The following MCTP2 variants were observed in gnomAD, a reference collection of about 807,000 sequenced individuals.
MCTP2 encodes multiple C2 and transmembrane domain-containing protein 2.
Under a neutral mutation model 111.6 loss-of-function variants are expected in MCTP2, and 132 were observed. The observed-to-expected ratio is 1.18, with a 90% confidence interval of 1.03 to 1.37. MCTP2 has a LOEUF of 1.37. Among genes scored for constraint, MCTP2 ranks in the 40% most tolerant of loss-of-function variants. The pLI is 0.00. For missense variants in MCTP2, 1,183 were observed against 1,067.9 expected (o/e 1.11, Z -1.50); for synonymous variants, 395 against 387.7 (o/e 1.02, Z -0.22).
At chr15:94,453,120 T>C (rs2084572029) in intron 19 of MCTP2, among the ~76,000 whole-genome samples, 1 of 152,242 alleles carries the variant, frequency 6.6e-6, no homozygotes, top group Non-Finnish European at 1.5e-5. Flanking sequence ...AACTATTGTA[T>C]TTAATATTTC....
At chr15:94,243,254 T>G (rs1474712940) in intron 1 of MCTP2, among the ~76,000 whole-genome samples, 2 of 149,430 alleles carry the variant, frequency 1.3e-5, no homozygotes, top group African/African-American at 4.9e-5. Context: ...TATATGCGTA[T>G]ATACATACAT....
rs563392631 is a variant in MCTP2, at chr15:94,358,720, C to G, written c.1301+108C>G. ...TGAGGGCACTACCTTGCATCCCTCA[C>G]CCCAGAGTGCCATCAGTGAGCTGGA... On this transcript the variant is annotated intron_variant, in intron 10 of 22. Transcript: ENST00000357742. 2.0e-5 allele frequency: 26 copies of G among 1,300,384 alleles called. No homozygotes were observed. The South Asian group carries it at 3.9e-4, about 19-fold the overall frequency. The allele number at this position is 1,300,384 out of a possible 1,614,324, so 80.6% of individuals were successfully genotyped here.
Position 94,399,991 on chromosome 15 carries a change from A to G in MCTP2, c.1961A>G (p.Lys654Arg). Residue 654 changes from lysine to arginine, a missense_variant, in exon 16 of 23, where the codon AAA becomes AGA. Lys to Arg is a conservative substitution (Grantham distance 26). Coordinates refer to ENST00000357742, the MANE Select transcript of MCTP2 (RefSeq NM_001385001.1). ...RFVEDSRKLS[K>R]KILSRDVDRV... Reference sequence around the variant, plus strand: ...GTTGAAGACAGCCGCAAGCTGTCCAAAAAGGTGGGTCGCTACAGTAGGTGG... The same window carrying G: ...GTTGAAGACAGCCGCAAGCTGTCCAGAAAGGTGGGTCGCTACAGTAGGTGG... The G allele has an allele frequency of 5.6e-6, 9 of 1,613,950 alleles. No individual in the cohort carries two copies. Among genetic ancestry groups the G allele is most frequent in the South Asian group, 4.4e-5 (4 of 91,074 alleles).
chr15:94,345,190 A>C (rs767310630), intron 8 of MCTP2, 26 bp downstream of exon 8: 13 of 1,603,634 alleles, frequency 8.1e-6, no homozygotes, highest in Non-Finnish European at 1.1e-5. Context: ...TTTCCTTTAG[A>C]TCATTTGGTT....
intron 4 of MCTP2, among the ~76,000 whole-genome samples, chr15:94,327,928 A>C (rs112788121): frequency 0.025 from 3,735 of 152,130 alleles, 150 homozygotes; most frequent in African/African-American, 0.086. Flanking sequence ...GAGTCAGTTT[A>C]TCTGTTTCTG....
At chr15:94,475,572 G>C (rs1217337573) in intron 21 of MCTP2, among the ~76,000 whole-genome samples, 1 of 152,178 alleles carries the variant, frequency 6.6e-6, no homozygotes, top group Non-Finnish European at 1.5e-5. Flanking sequence ...GTACAACGAA[G>C]CTAAGAATTC....
intron 2 of MCTP2, among the ~76,000 whole-genome samples, chr15:94,299,718 C>A (rs1420802165): frequency 6.6e-6 from 1 of 152,154 alleles, no homozygotes; most frequent in African/African-American, 2.4e-5. Context: ...TTTCTGTGTT[C>A]CAGGTTAGTG....
Position 94,245,188 on chromosome 15 carries a change from AC to A in MCTP2, c.-66+13525del, listed in dbSNP as rs2071727681. Among the ~76,000 whole-genome samples, 5 of 145,664 alleles carry A rather than the reference AC, an allele frequency of 3.4e-5. No individual in the cohort carries two copies. The South Asian group carries it at 1.1e-3, about 31-fold the overall frequency. ...TATACACATGTATAGATTTATACAC[AC>A]ATATGTATGTATATATTTATACATA... On this transcript the variant is annotated intron_variant, in intron 1 of 22. Coordinates refer to ENST00000357742, the MANE Select transcript of MCTP2 (RefSeq NM_001385001.1).
chr15:94,403,490 G>C (rs2081716039), intron 17 of MCTP2, among the ~76,000 whole-genome samples: 1 of 152,238 alleles, frequency 6.6e-6, no homozygotes, highest in Non-Finnish European at 1.5e-5. Flanking sequence ...ACTGTGAGGA[G>C]GAGAGGATTT....
At chr15:94,410,635 C>A (rs1464715216) in intron 17 of MCTP2, among the ~76,000 whole-genome samples, 3 of 152,108 alleles carry the variant, frequency 2.0e-5, no homozygotes, top group Admixed American at 1.3e-4. Context: ...TGTAACACAG[C>A]CTCATGATTG....
rs566235545 is a variant in MCTP2, at chr15:94,324,887, C to G, written c.637+9250C>G. On this transcript the variant is annotated intron_variant, in intron 4 of 22. Transcript: ENST00000357742. ...AAAAGTTAAAATGACTGATTTAAGT[C>G]CTGGTTTTCTTTTGCTATTTAGCAG... Among the ~76,000 whole-genome samples, 30 of 151,956 alleles carry G rather than the reference C, an allele frequency of 2.0e-4. No homozygotes were observed. The East Asian group carries it at 4.8e-3, about 24-fold the overall frequency.
In MCTP2 at chr15:94,481,171, G is replaced by A. The variant is rs2074707050; in HGVS notation, c.*2137G>A. The A allele has an allele frequency of 1.3e-5, 2 of 152,202 alleles. No homozygotes were observed. The highest frequency in any genetic ancestry group is 2.4e-5 in the African/African-American group (1 of 41,524). The allele number at this position is 152,202 out of a possible 1,614,324, so 9.4% of individuals were successfully genotyped here. A position where few individuals can be genotyped will look rare whatever the true frequency, so the allele number is the denominator to read the frequency against. Reference sequence around the variant, plus strand: ...TGTTGAAGTCTTGCCAAGTTTTCCTGGTTCCCTTCTCAAACTTTATCTTCC... The same window carrying A: ...TGTTGAAGTCTTGCCAAGTTTTCCTAGTTCCCTTCTCAAACTTTATCTTCC... On this transcript the variant is annotated 3_prime_UTR_variant, in exon 23 of 23. Transcript: ENST00000357742.
At chr15:94,404,116 C>T (rs2152478528) in intron 17 of MCTP2, among the ~76,000 whole-genome samples, 1 of 152,260 alleles carries the variant, frequency 6.6e-6, no homozygotes. Flanking sequence ...AGAAATACCG[C>T]AGCCATAACG....
intron 3 of MCTP2, among the ~76,000 whole-genome samples, 171 bp downstream of exon 3, chr15:94,314,515 A>G (rs1289596574): frequency 6.6e-6 from 1 of 152,148 alleles, no homozygotes; most frequent in African/African-American, 2.4e-5. Context: ...AGATTAATTC[A>G]GTATCTATTG....
intron 2 of MCTP2, among the ~76,000 whole-genome samples, chr15:94,299,033 C>CT (rs2075464171): frequency 1.6e-5 from 2 of 122,598 alleles, no homozygotes; most frequent in Admixed American, 8.4e-5. Context: ...CTCTCTCCCT[C>CT]CCCCTCCCCC....
chr15:94,381,150 T>A (rs919948797), intron 12 of MCTP2, among the ~76,000 whole-genome samples: 3 of 152,230 alleles, frequency 2.0e-5, no homozygotes, highest in Non-Finnish European at 4.4e-5. Flanking sequence ...TGGTGAGCAT[T>A]TGGACATTTC....
chr15:94,255,576 T>A (rs1364593751), intron 1 of MCTP2, among the ~76,000 whole-genome samples: 2 of 152,216 alleles, frequency 1.3e-5, no homozygotes, highest in Non-Finnish European at 2.9e-5. Context: ...TCTAAAAACA[T>A]GCCTGTAGGC....
chr15:94,464,361 T>G (rs1048770240), intron 20 of MCTP2, among the ~76,000 whole-genome samples: 3 of 17,142 alleles, frequency 1.8e-4, no homozygotes, highest in Non-Finnish European at 3.7e-4. Context: ...ATATAAATTT[T>G]CTACTTGTTG....
chr15:94,350,159 A>G (rs1461230794), intron 8 of MCTP2, among the ~76,000 whole-genome samples: 1 of 152,214 alleles, frequency 6.6e-6, no homozygotes, highest in Non-Finnish European at 1.5e-5. Flanking sequence ...GATGCTGGGA[A>G]CTGTAGGAGA....
Sources: allele counts gnomAD v4.1 joint callset (sites outside exome capture counted in the v4.1 genomes callset), GRCh38; gene constraint gnomAD v4.1.1; transcripts MANE v1.5; gene names NCBI Gene and HGNC (gene_info 2026-07-23, HGNC 2026-07-21).